Variants in CRTAM observed in about 807,000 individuals in gnomAD.
CRTAM encodes cytotoxic and regulatory T cell molecule.
A neutral mutation model predicts 50.0 loss-of-function variants in CRTAM; 44 were observed. That is an observed-to-expected ratio of 0.88 (90% CI 0.69 to 1.13). The LOEUF (loss-of-function observed/expected upper bound fraction) is 1.13. Ranked by LOEUF, CRTAM falls within the 50% of genes most tolerant of loss-of-function variation. The pLI is 0.00. For missense variants in CRTAM, 448 were observed against 457.5 expected (o/e 0.98, Z 0.19); for synonymous variants, 159 against 169.3 (o/e 0.94, Z 0.47).
rs1235972539 is a variant in CRTAM, at chr11:122,864,733, A to G, written c.817+14A>G. 6.3e-7 allele frequency: 1 copy of G among 1,585,994 alleles called. No homozygotes were observed. Among genetic ancestry groups the G allele is most frequent in the East Asian group, 2.2e-5 (1 of 44,720 alleles). ...ACTTGACCACCGGTAAGTGTCACCC[A>G]CTGCATTTAGAATAAACACTCGACA... is the stretch of plus-strand genomic sequence containing the variant. On this transcript the variant is annotated intron_variant, in intron 7 of 9. Coordinates refer to ENST00000227348, the MANE Select transcript of CRTAM (RefSeq NM_019604.4).
At chr11:122,850,319 G>A in intron 2 of CRTAM, 105 bp downstream of exon 2, 1 of 1,200,046 alleles carries the variant, frequency 8.3e-7, no homozygotes, top group Non-Finnish European at 1.1e-6. Flanking sequence ...CACCCAAGGG[G>A]TGGGCTCAGC....
At chr11:122,855,020 T>C (rs1222075053) in intron 4 of CRTAM, among the ~76,000 whole-genome samples, 3 of 152,218 alleles carry the variant, frequency 2.0e-5, no homozygotes, top group Non-Finnish European at 4.4e-5. Context: ...CTTGACTCAC[T>C]GCAACCTCTG....
At chr11:122,853,833 T>C (rs1053796484) in intron 3 of CRTAM, 110 bp from the exon 4 acceptor site, 3 of 934,722 alleles carry the variant, frequency 3.2e-6, no homozygotes, top group South Asian at 2.7e-5. Flanking sequence ...AGAAAGCCCA[T>C]TAATTAGAGT....
intron 1 of CRTAM, among the ~76,000 whole-genome samples, chr11:122,842,573 C>A (rs940524234): frequency 6.6e-6 from 1 of 152,186 alleles, no homozygotes; most frequent in Non-Finnish European, 1.5e-5. Context: ...AGCCACCACG[C>A]CCGGCCTCAA....
At chr11:122,862,027 A>AG (rs398115909) in intron 5 of CRTAM, among the ~76,000 whole-genome samples, 1 of 152,132 alleles carries the variant, frequency 6.6e-6, no homozygotes, top group Admixed American at 6.5e-5. Flanking sequence ...GAGAAAAAAA[A>AG]GTGCTAGGTC....
chr11:122,842,299 ATGGAATTTCATTCTTGTTGCCC>A (rs1861808223), intron 1 of CRTAM, among the ~76,000 whole-genome samples: 1 of 151,854 alleles, frequency 6.6e-6, no homozygotes, highest in Admixed American at 6.6e-5. Context: ...GTTTGTTGAG[ATGGAATTTCATTCTTGTTGCCC>A]TGGCTGGAGT....
At chr11:122,842,835 G>A (rs1378439324) in intron 1 of CRTAM, among the ~76,000 whole-genome samples, 2 of 152,172 alleles carry the variant, frequency 1.3e-5, no homozygotes, top group Non-Finnish European at 2.9e-5. Flanking sequence ...GGGAACTCTA[G>A]AATGGGGCAG....
chr11:122,870,413 C>T (rs1041277881), intron 9 of CRTAM, among the ~76,000 whole-genome samples: 4 of 152,138 alleles, frequency 2.6e-5, no homozygotes, highest in Admixed American at 6.5e-5. Context: ...AGTACCTGCA[C>T]GACTCAGGGG....
intron 5 of CRTAM, among the ~76,000 whole-genome samples, chr11:122,857,207 G>A (rs977262981): frequency 2.6e-5 from 4 of 152,154 alleles, no homozygotes; most frequent in Non-Finnish European, 4.4e-5. Context: ...AATGGCTCAC[G>A]CCTGTAATCC....
intron 1 of CRTAM, among the ~76,000 whole-genome samples, chr11:122,841,392 T>C (rs117206977): frequency 4.7e-4 from 67 of 142,278 alleles, no homozygotes; most frequent in Non-Finnish European, 7.5e-4. Flanking sequence ...CCTAAATATA[T>C]ACTTTTACTC....
At chr11:122,852,686 G>A (rs1861946884) in intron 3 of CRTAM, among the ~76,000 whole-genome samples, 1 of 152,106 alleles carries the variant, frequency 6.6e-6, no homozygotes, top group African/African-American at 2.4e-5. Flanking sequence ...TTGTAAGGGA[G>A]CACACATCCT....
chr11:122,858,608 C>T (rs1862034246), intron 5 of CRTAM, among the ~76,000 whole-genome samples: 1 of 152,090 alleles, frequency 6.6e-6, no homozygotes, highest in African/African-American at 2.4e-5. Flanking sequence ...TAGCTCGCTG[C>T]AGCCTCTACC....
chr11:122,842,477 CTA>C (rs1325258108), intron 1 of CRTAM, among the ~76,000 whole-genome samples: 1 of 152,178 alleles, frequency 6.6e-6, no homozygotes, highest in African/African-American at 2.4e-5. Flanking sequence ...TGGGGTTTCA[CTA>C]TGTCGGCCAG....
At chr11:122,865,037 A>G (rs1862151053) in intron 7 of CRTAM, among the ~76,000 whole-genome samples, 1 of 150,908 alleles carries the variant, frequency 6.6e-6, no homozygotes. Context: ...TTTTTTATAT[A>G]TATATATTTT....
chr11:122,860,789 G>A (rs1454352004), intron 5 of CRTAM, among the ~76,000 whole-genome samples: 2 of 152,024 alleles, frequency 1.3e-5, no homozygotes, highest in East Asian at 1.9e-4. Context: ...CAGCAGCCTC[G>A]ACCTCTCTGG....
rs529619092 is a variant in CRTAM, at chr11:122,838,587, T to C, written c.41T>C (p.Leu14Ser). Residue 14 changes from leucine (L) to serine (S), a missense_variant, in exon 1 of 10, where the codon TTG becomes TCG. Coordinates refer to ENST00000227348, the MANE Select transcript of CRTAM (RefSeq NM_019604.4). ...CTCAGCTTGCTGGCATGGTTCCCCT[T>C]GCAAGGTAAGGACTTAGAGTTATTT... Reference protein sequence around the residue: ...RVLSLLAWFPLQEASLTNHTE... With the variant: ...RVLSLLAWFPSQEASLTNHTE... 55 of 1,614,144 alleles carry C rather than the reference T, an allele frequency of 3.4e-5. 1 individual carries two copies. In the South Asian group the frequency reaches 4.9e-4, roughly 15 times the overall value.
chr11:122,854,974 G>A (rs573009551), intron 4 of CRTAM, among the ~76,000 whole-genome samples: 139 of 151,284 alleles, frequency 9.2e-4, no homozygotes, highest in Admixed American at 1.5e-3. Context: ...TTTTTGAGAT[G>A]GAGTCTCACT....
intron 5 of CRTAM, among the ~76,000 whole-genome samples, chr11:122,856,085 G>A (rs376412121): frequency 4.0e-4 from 61 of 152,210 alleles, no homozygotes; most frequent in African/African-American, 1.1e-3. Flanking sequence ...CTAGCACAGC[G>A]CCATATGCAA....
intron 5 of CRTAM, among the ~76,000 whole-genome samples, chr11:122,859,388 G>A (rs1642787872): frequency 6.6e-6 from 1 of 151,906 alleles, no homozygotes; most frequent in Non-Finnish European, 1.5e-5. Context: ...TGGTATTACA[G>A]GCGTGAGCCA....
Sources: allele counts gnomAD v4.1 joint callset (sites outside exome capture counted in the v4.1 genomes callset), GRCh38; gene constraint gnomAD v4.1.1; transcripts MANE v1.5; gene names NCBI Gene and HGNC (gene_info 2026-07-23, HGNC 2026-07-21).